ENOX1: variants seen among roughly 807,000 people sequenced by gnomAD.
ENOX1 encodes candidate growth-related and time keeping constitutive hydroquinone (NADH) oxidase.
ENOX1 carries 42 observed loss-of-function variants against 82.5 expected under a neutral mutation model. The observed-to-expected ratio is 0.51, with a 90% CI of 0.40 to 0.66. ENOX1 has a LOEUF of 0.66. ENOX1 is among the 30% of genes least tolerant of loss of function. ENOX1 has a pLI of 0.00. For synonymous variants in ENOX1, 271 were observed against 282.2 expected (o/e 0.96, Z 0.40); for missense variants, 608 against 811.6 (o/e 0.75, Z 3.05).
At chr13:43,724,900 T>A (rs1321112573) in intron 1 of ENOX1, among the ~76,000 whole-genome samples, 7 of 152,188 alleles carry the variant, frequency 4.6e-5, no homozygotes, top group African/African-American at 1.7e-4. Context: ...CCCTGCTTCT[T>A]CTTGCTATGA....
chr13:43,301,477 T>C (rs574920363), intron 11 of ENOX1, among the ~76,000 whole-genome samples: 1 of 151,546 alleles, frequency 6.6e-6, no homozygotes, highest in Non-Finnish European at 1.5e-5. Context: ...CTAAGCCAAG[T>C]GACTACAGTG....
intron 2 of ENOX1, among the ~76,000 whole-genome samples, chr13:43,652,519 AAAT>A (rs1308339247): frequency 3.3e-5 from 5 of 152,222 alleles, no homozygotes; most frequent in Non-Finnish European, 7.3e-5. Flanking sequence ...TCACAAGACG[AAAT>A]AACTTAGAAA....
chr13:43,702,594 G>A (rs2086968121), intron 1 of ENOX1, among the ~76,000 whole-genome samples: 1 of 152,040 alleles, frequency 6.6e-6, no homozygotes, highest in Non-Finnish European at 1.5e-5. Context: ...TAATAGATGG[G>A]GCCTCTAGGA....
At chr13:43,450,363 G>A (rs1361545479) in intron 3 of ENOX1, among the ~76,000 whole-genome samples, 2 of 152,208 alleles carry the variant, frequency 1.3e-5, no homozygotes, top group Non-Finnish European at 2.9e-5. Context: ...TTAAGAAAAT[G>A]TACCTGGGGT....
At chr13:43,305,915 A>G (rs1566469694) in intron 11 of ENOX1, among the ~76,000 whole-genome samples, 2 of 152,272 alleles carry the variant, frequency 1.3e-5, no homozygotes, top group East Asian at 3.9e-4. Flanking sequence ...CCCTACTCTA[A>G]GCCAAGCCGG....
At chr13:43,276,843 G>T (rs1440223158) in intron 12 of ENOX1, among the ~76,000 whole-genome samples, 1 of 151,990 alleles carries the variant, frequency 6.6e-6, no homozygotes, top group Non-Finnish European at 1.5e-5. Flanking sequence ...GGGAAAAAAA[G>T]AATTGAACTA....
intron 2 of ENOX1, among the ~76,000 whole-genome samples, chr13:43,551,977 A>G (rs2079215944): frequency 6.6e-6 from 1 of 152,086 alleles, no homozygotes; most frequent in Non-Finnish European, 1.5e-5. Flanking sequence ...GCTTCTCTGT[A>G]TTTTAATGTC....
chr13:43,607,110 T>C (rs1242630388), intron 2 of ENOX1, among the ~76,000 whole-genome samples: 1 of 152,210 alleles, frequency 6.6e-6, no homozygotes, highest in Non-Finnish European at 1.5e-5. Context: ...AATTGGATTG[T>C]TCGTAACAAA....
intron 5 of ENOX1, among the ~76,000 whole-genome samples, chr13:43,387,970 A>G (rs2052533558): frequency 6.6e-6 from 1 of 152,164 alleles, no homozygotes; most frequent in South Asian, 2.1e-4. Flanking sequence ...AAAGTTAACC[A>G]TAGGTGGGTG....
chr13:43,231,381 T>A (rs2042273235), intron 15 of ENOX1, among the ~76,000 whole-genome samples: 1 of 152,200 alleles, frequency 6.6e-6, no homozygotes, highest in African/African-American at 2.4e-5. Flanking sequence ...AGGAAACCGA[T>A]CAAACACTTG....
intron 1 of ENOX1, among the ~76,000 whole-genome samples, chr13:43,769,113 G>C (rs1253592379): frequency 1.3e-5 from 2 of 152,220 alleles, no homozygotes; most frequent in Non-Finnish European, 2.9e-5. Context: ...CAGTGGGCAA[G>C]TTGCTTAATC....
chr13:43,441,558 G>C (rs1202919556), intron 3 of ENOX1, among the ~76,000 whole-genome samples: 1 of 152,132 alleles, frequency 6.6e-6, no homozygotes, highest in Non-Finnish European at 1.5e-5. Context: ...CTCTAGGCTA[G>C]AAATGACCAG....
intron 11 of ENOX1, among the ~76,000 whole-genome samples, chr13:43,306,446 C>CT (rs1020314311): frequency 6.6e-6 from 1 of 152,080 alleles, no homozygotes; most frequent in African/African-American, 2.4e-5. Flanking sequence ...TTTAAAGATT[C>CT]TTTTTTAGGA....
chr13:43,617,584 A>G (rs975904251), intron 2 of ENOX1, among the ~76,000 whole-genome samples: 2 of 152,190 alleles, frequency 1.3e-5, no homozygotes, highest in Admixed American at 6.5e-5. Flanking sequence ...ATAGTATTCC[A>G]TGGTTTATAT....
intron 2 of ENOX1, among the ~76,000 whole-genome samples, chr13:43,640,174 G>T (rs1388408086): frequency 6.6e-6 from 1 of 152,008 alleles, no homozygotes; most frequent in Non-Finnish European, 1.5e-5. Flanking sequence ...CCTAACAAGG[G>T]CATCTGTTTT....
intron 3 of ENOX1, among the ~76,000 whole-genome samples, chr13:43,459,991 C>T (rs2153636982): frequency 6.6e-6 from 1 of 152,020 alleles, no homozygotes; most frequent in South Asian, 2.1e-4. Context: ...GAGACTCTGT[C>T]TCAAAAAACA....
intron 14 of ENOX1, among the ~76,000 whole-genome samples, chr13:43,260,802 T>G (rs1011132187): frequency 1.3e-5 from 2 of 152,122 alleles, no homozygotes; most frequent in Non-Finnish European, 2.9e-5. Context: ...AATTTATAGG[T>G]TTGCTTTCCA....
At chr13:43,365,572 C>T (rs2050796011) in intron 5 of ENOX1, among the ~76,000 whole-genome samples, 1 of 152,126 alleles carries the variant, frequency 6.6e-6, no homozygotes, top group South Asian at 2.1e-4. Context: ...AGACCCAGCC[C>T]AGGGGAAATA....
In ENOX1 at chr13:43,412,050, G is replaced by C. The variant is rs746466783; in HGVS notation, c.74C>G (p.Ala25Gly). 1.2e-6 allele frequency: 2 copies of C among 1,613,300 alleles called. No individual in the cohort carries two copies. The highest frequency in any genetic ancestry group is 3.3e-5 in the Admixed American group (2 of 60,010). Reference protein sequence around the residue: ...QELPQMMAAAADGLGSIAIDT... With the variant: ...QELPQMMAAAGDGLGSIAIDT... ...TATCGCTATACTCCCCAAACCATCG[G>C]CTGCTGTGGGGAAAAACAAACCATG... Residue 25 changes from alanine (A) to glycine (G), a missense_variant, in exon 5 of 17, where the codon GCC becomes GGC. By Grantham distance (60) the Ala-to-Gly change is moderately conservative. Coordinates refer to ENST00000690772, the MANE Select transcript of ENOX1 (RefSeq NM_001347969.2).
Sources: allele counts gnomAD v4.1 joint callset (sites outside exome capture counted in the v4.1 genomes callset), GRCh38; gene constraint gnomAD v4.1.1; transcripts MANE v1.5; gene names NCBI Gene and HGNC (gene_info 2026-07-23, HGNC 2026-07-21).